PRKAG2: variants seen among roughly 807,000 people sequenced by gnomAD.
PRKAG2 encodes protein kinase AMP-activated non-catalytic subunit gamma 2, also known as 5'-AMP-activated protein kinase subunit gamma-2.
In PRKAG2, 26 loss-of-function variants were observed where a neutral mutation model predicts 69.6. The ratio of observed to expected loss-of-function variants is 0.37; its 90% CI spans 0.27 to 0.52. PRKAG2 has a LOEUF of 0.52. Among genes scored for constraint, PRKAG2 ranks in the 20% least tolerant of loss-of-function variants. PRKAG2 has a pLI of 0.90. For synonymous variants in PRKAG2, 293 were observed against 285.0 expected, an observed-to-expected ratio of 1.03 and a Z score of -0.28; for missense variants, 557 against 740.0, an observed-to-expected ratio of 0.75 and a Z score of 2.87.
At chr7:151,861,260 G>T (rs1035234981) in intron 1 of PRKAG2, among the ~76,000 whole-genome samples, 6 of 152,322 alleles carry the variant, frequency 3.9e-5, no homozygotes, top group African/African-American at 1.2e-4. Flanking sequence ...GACGGGCATG[G>T]TAGCTCATGC....
intron 1 of PRKAG2, among the ~76,000 whole-genome samples, chr7:151,826,247 C>T (rs1233109435): frequency 6.6e-6 from 1 of 152,006 alleles, no homozygotes; most frequent in African/African-American, 2.4e-5. Flanking sequence ...GTGGCGTGAC[C>T]TCGGCTCACT....
chr7:151,675,210 C>T (rs1002643515), intron 4 of PRKAG2: 40 of 610,572 alleles, frequency 6.6e-5, no homozygotes, highest in Admixed American at 5.2e-4. Flanking sequence ...TGTGAGCCAC[C>T]GCACCCAGCT....
chr7:151,626,875 G>A (rs4725416), intron 5 of PRKAG2, among the ~76,000 whole-genome samples: 18,185 of 150,486 alleles, frequency 0.12, 1,297 homozygotes, highest in Middle Eastern at 0.16. Context: ...TTGTTCATGT[G>A]CCGTGGCCCT....
intron 5 of PRKAG2, among the ~76,000 whole-genome samples, chr7:151,606,174 C>T (rs6943014): frequency 1.3e-5 from 2 of 152,134 alleles, no homozygotes; most frequent in African/African-American, 2.4e-5. Flanking sequence ...GGATTACAGG[C>T]GTGAGCCACC....
At chr7:151,769,063 C>T (rs2075890275) in intron 3 of PRKAG2, among the ~76,000 whole-genome samples, 1 of 152,208 alleles carries the variant, frequency 6.6e-6, no homozygotes, top group African/African-American at 2.4e-5. Flanking sequence ...CTGGTTTTAC[C>T]AAAGGGCTGT....
rs560080587 is a variant in PRKAG2 at position 151,605,936 on chromosome 7, C to CAAA, written c.755-10485_755-10483dup. 1.0e-3 allele frequency among the ~76,000 whole-genome samples: 95 copies of CAAA among 91,000 alleles called. 2 individuals are homozygous for CAAA. The highest frequency in any genetic ancestry group is 5.3e-3 in the Middle Eastern group (1 of 188). The allele number at this position is 91,000 out of a possible 152,430, so 59.7% of individuals were successfully genotyped here. On this transcript the variant is annotated intron_variant, in intron 5 of 15. Transcript: ENST00000287878. ...CTGGCGACAGAGCGAGACTCCGTCT[C>CAAA]AAAAAAAAAAAAAAAAAAAAGAATT...
chr7:151,769,412 G>A (rs941652565), intron 3 of PRKAG2, among the ~76,000 whole-genome samples: 2 of 152,210 alleles, frequency 1.3e-5, no homozygotes, highest in African/African-American at 4.8e-5. Context: ...TTTGACTGCT[G>A]TCACTTTAAG....
intron 3 of PRKAG2, among the ~76,000 whole-genome samples, chr7:151,778,938 T>C (rs1351085554): frequency 6.6e-6 from 1 of 151,456 alleles, no homozygotes; most frequent in African/African-American, 2.4e-5. Flanking sequence ...TGCACATACA[T>C]ACACACATAC....
At chr7:151,854,894 C>T (rs2079665778) in intron 1 of PRKAG2, among the ~76,000 whole-genome samples, 1 of 151,980 alleles carries the variant, frequency 6.6e-6, no homozygotes, top group South Asian at 2.1e-4. Context: ...CTCCATACTC[C>T]AGGGCTGGAG....
intron 3 of PRKAG2, among the ~76,000 whole-genome samples, chr7:151,709,254 A>C (rs12672354): frequency 0.045 from 6,839 of 152,050 alleles, 267 homozygotes; most frequent in East Asian, 0.13. Flanking sequence ...GATTTGTGAC[A>C]ATGTGTGACA....
In PRKAG2 at chr7:151,722,976, G is replaced by T. The variant is rs557070146; in HGVS notation, c.467-47339C>A. 7.9e-5 allele frequency among the ~76,000 whole-genome samples: 12 copies of T among 152,162 alleles called. 2 individuals are homozygous for T. Among genetic ancestry groups the T allele is most frequent in the East Asian group, 5.8e-4 (3 of 5,176 alleles). ...TCTGCCTCCCAAAAAGTGGAAAACGGAAGGCTGCAGACAGGAAAGACATCC... is the reference window on the plus strand; with the variant it reads ...TCTGCCTCCCAAAAAGTGGAAAACGTAAGGCTGCAGACAGGAAAGACATCC... On this transcript the variant is annotated intron_variant, in intron 3 of 15. Coordinates refer to ENST00000287878, the MANE Select transcript of PRKAG2 (RefSeq NM_016203.4).
At chr7:151,735,216 G>T (rs965388695) in intron 3 of PRKAG2, among the ~76,000 whole-genome samples, 1 of 152,140 alleles carries the variant, frequency 6.6e-6, no homozygotes, top group African/African-American at 2.4e-5. Flanking sequence ...TTAACCAGGT[G>T]TGGAGCTAAG....
At chr7:151,578,042 C>CA (rs138167899) in intron 6 of PRKAG2, among the ~76,000 whole-genome samples, 11 of 146,476 alleles carry the variant, frequency 7.5e-5, no homozygotes, top group East Asian at 2.0e-4. Context: ...ACTCACTACT[C>CA]AAAAAAAAAC....
intron 1 of PRKAG2, among the ~76,000 whole-genome samples, chr7:151,796,031 T>C (rs1233208385): frequency 6.7e-6 from 1 of 150,360 alleles, no homozygotes; most frequent in Non-Finnish European, 1.5e-5. Flanking sequence ...TAATATATTT[T>C]CTTAGTATAC....
intron 6 of PRKAG2, among the ~76,000 whole-genome samples, chr7:151,589,165 G>A (rs918399469): frequency 4.6e-5 from 7 of 152,218 alleles, no homozygotes; most frequent in South Asian, 2.1e-4. Flanking sequence ...TGCAGCTCCC[G>A]TGAGCTCCAC....
chr7:151,799,043 G>A (rs747841449), intron 1 of PRKAG2, among the ~76,000 whole-genome samples: 4 of 152,120 alleles, frequency 2.6e-5, no homozygotes, highest in African/African-American at 7.2e-5. Flanking sequence ...GCCCCCTGCC[G>A]AGCGGTGCCT....
intron 4 of PRKAG2, among the ~76,000 whole-genome samples, chr7:151,662,825 G>A (rs1296351886): frequency 6.6e-6 from 1 of 152,274 alleles, no homozygotes. Context: ...CTTGAGCCCA[G>A]GAGTTTGAGG....
intron 4 of PRKAG2, among the ~76,000 whole-genome samples, chr7:151,648,181 A>G (rs1224476124): frequency 6.6e-6 from 1 of 152,102 alleles, no homozygotes; most frequent in Non-Finnish European, 1.5e-5. Context: ...TTCATCAGCT[A>G]TGCCTCCCAA....
intron 1 of PRKAG2, among the ~76,000 whole-genome samples, chr7:151,854,112 A>G (rs1724279024): frequency 6.6e-6 from 1 of 152,264 alleles, no homozygotes. Flanking sequence ...CAGTGCCAGC[A>G]GGCAGTGCCC....
Sources: allele counts gnomAD v4.1 joint callset (sites outside exome capture counted in the v4.1 genomes callset), GRCh38; gene constraint gnomAD v4.1.1; transcripts MANE v1.5; gene names NCBI Gene and HGNC (gene_info 2026-07-23, HGNC 2026-07-21).